MPP7: variants seen among roughly 807,000 people sequenced by gnomAD.
MPP7 encodes MAGUK p55 scaffold protein 7, also known as MAGUK p55 subfamily member 7.
In MPP7, 60 loss-of-function variants were observed where a neutral mutation model predicts 76.5. The ratio of observed to expected loss-of-function variants is 0.78; its 90% CI spans 0.64 to 0.97. The LOEUF is 0.97. MPP7 is among the 50% of genes least tolerant of loss of function. The probability of loss-of-function intolerance (pLI) is 0.00; values close to 1 mark genes in which losing one functional copy is unlikely to be tolerated. For missense variants in MPP7, 641 were observed against 694.0 expected (o/e 0.92, Z 0.86); for synonymous variants, 237 against 244.5 (o/e 0.97, Z 0.29).
In MPP7 at chr10:28,297,321, G is replaced by C. The variant is rs575196490; in HGVS notation, c.-132+5540C>G. 2.6e-5 allele frequency among the ~76,000 whole-genome samples: 4 copies of C among 152,284 alleles called. No homozygotes were observed. In the South Asian group the frequency reaches 6.2e-4, roughly 24 times the overall value. ...AGTCATAATCTTTTTGCTGGTGGAGGATTTTGCCTTGATGTTGATGGCTGC... is the reference window on the plus strand; with the variant it reads ...AGTCATAATCTTTTTGCTGGTGGAGCATTTTGCCTTGATGTTGATGGCTGC... On this transcript the variant is annotated intron_variant, in intron 1 of 16. Transcript: ENST00000683449.
chr10:28,245,265 C>T (rs1457313773), intron 1 of MPP7, among the ~76,000 whole-genome samples: 1 of 152,164 alleles, frequency 6.6e-6, no homozygotes, highest in African/African-American at 2.4e-5. Flanking sequence ...CACTGGCATT[C>T]CCTTAAGTCC....
intron 1 of MPP7, among the ~76,000 whole-genome samples, chr10:28,243,813 T>C (rs1178620089): frequency 6.6e-6 from 1 of 152,192 alleles, no homozygotes; most frequent in African/African-American, 2.4e-5. Context: ...TTAAAGAAAT[T>C]TGCAATTCAC....
At chr10:28,290,264 G>A (rs1051102000) in intron 1 of MPP7, among the ~76,000 whole-genome samples, 12 of 148,920 alleles carry the variant, frequency 8.1e-5, no homozygotes, top group Non-Finnish European at 1.5e-4. Flanking sequence ...CCCCACTCAC[G>A]AATTACAGTC....
intron 1 of MPP7, among the ~76,000 whole-genome samples, chr10:28,286,294 C>T (rs796308431): frequency 2.6e-5 from 4 of 151,542 alleles, no homozygotes; most frequent in African/African-American, 7.3e-5. Flanking sequence ...TGCAGTGAGC[C>T]GAGATCACGC....
intron 2 of MPP7, among the ~76,000 whole-genome samples, chr10:28,320,212 G>A (rs786394): frequency 0.25 from 37,540 of 151,988 alleles, 5,160 homozygotes; most frequent in East Asian, 0.49. Context: ...CCCTGGAGGA[G>A]AGCATTCCTT....
rs373888398 is a variant in MPP7, at chr10:28,118,836, T to C, written c.952+815A>G. On this transcript the variant is annotated intron_variant, in intron 11 of 16. Coordinates refer to ENST00000683449, the MANE Select transcript of MPP7 (RefSeq NM_001318170.2). The stretch of plus-strand genomic sequence containing the variant: ...CAGAAATCACAGGAGATGTGAAAAA[T>C]GCAACAATACTAAAAACAGATGTTG... 47 of 985,264 alleles carry C rather than the reference T, an allele frequency of 4.8e-5. No homozygotes were observed. In the East Asian group the frequency reaches 9.1e-4, roughly 19 times the overall value. 61.0% of individuals were successfully genotyped at this position (985,264 alleles called of 1,614,324 possible).
intron 11 of MPP7, among the ~76,000 whole-genome samples, chr10:28,103,748 T>C (rs1259276640): frequency 2.8e-5 from 2 of 70,690 alleles, no homozygotes; most frequent in African/African-American, 3.2e-4. Context: ...TCAAAAATAT[T>C]GTTATAAAAT....
In MPP7 at chr10:28,149,997, C is replaced by T. The variant is rs144563385; in HGVS notation, c.219G>A (p.Ala73=). ...TCACACTTACATCATCGGCCAAGGC[C>T]GCCGCACCATGGAGAATGGGCACCG... ...QSPVPILHGA[A]ALADDLAEEL... Residue 73 remains alanine (A), a synonymous_variant, in exon 4 of 17, where the codon GCG becomes GCA. Coordinates refer to ENST00000683449, the MANE Select transcript of MPP7 (RefSeq NM_001318170.2). 39 of 1,613,384 alleles carry T rather than the reference C, an allele frequency of 2.4e-5. No homozygotes were observed. Among genetic ancestry groups the T allele is most frequent in the Non-Finnish European group, 3.2e-5 (38 of 1,179,836 alleles).
chr10:28,162,781 C>G (rs1242779350), intron 3 of MPP7, among the ~76,000 whole-genome samples: 1 of 152,156 alleles, frequency 6.6e-6, no homozygotes, highest in African/African-American at 2.4e-5. Context: ...GGAGGTCCCT[C>G]CTGAGATCAG....
intron 2 of MPP7, among the ~76,000 whole-genome samples, chr10:28,219,521 C>T (rs900422807): frequency 6.6e-6 from 1 of 152,006 alleles, no homozygotes; most frequent in African/African-American, 2.4e-5. Context: ...ATTATTAGTA[C>T]AAGTCTGGGG....
intron 4 of MPP7, among the ~76,000 whole-genome samples, chr10:28,148,590 C>T (rs1835782638): frequency 1.3e-5 from 2 of 152,094 alleles, no homozygotes; most frequent in Admixed American, 1.3e-4. Context: ...ATTATACAGT[C>T]ATTAATTACC....
intron 1 of MPP7, among the ~76,000 whole-genome samples, chr10:28,283,769 C>A (rs2133106653): frequency 6.6e-6 from 1 of 152,284 alleles, no homozygotes; most frequent in South Asian, 2.1e-4. Context: ...CCCACCTCGG[C>A]CTCCCAAAAT....
At chr10:28,299,766 C>CTTTTTTT (rs59047415) in intron 1 of MPP7, among the ~76,000 whole-genome samples, 7,499 of 131,960 alleles carry the variant, frequency 0.057, 478 homozygotes, top group East Asian at 0.32. Flanking sequence ...AAATTCAAGA[C>CTTTTTTT]TTTTTTTTTT....
At chr10:28,238,444 C>T (rs1429030835) in intron 2 of MPP7, 124 bp downstream of exon 2, 5 of 987,456 alleles carry the variant, frequency 5.1e-6, no homozygotes, top group Non-Finnish European at 7.8e-6. Context: ...ATCTTATGTC[C>T]CTAGTGTTGG....
At chr10:28,324,446 C>G (rs145800365) in intron 2 of MPP7, among the ~76,000 whole-genome samples, 19 of 152,212 alleles carry the variant, frequency 1.2e-4, no homozygotes, top group African/African-American at 4.6e-4. Context: ...TATTATGTAC[C>G]ACGAATGGTT....
At chr10:28,287,158 A>G (rs1282681312) in intron 1 of MPP7, among the ~76,000 whole-genome samples, 3 of 152,234 alleles carry the variant, frequency 2.0e-5, no homozygotes, top group Non-Finnish European at 4.4e-5. Flanking sequence ...AAAAAAAATA[A>G]TAACTGACCT....
At chr10:28,259,060 C>T (rs1020019368) in intron 1 of MPP7, among the ~76,000 whole-genome samples, 1 of 152,118 alleles carries the variant, frequency 6.6e-6, no homozygotes, top group Non-Finnish European at 1.5e-5. Flanking sequence ...AGACAGCCCA[C>T]CACCATTCAT....
chr10:28,235,469 C>A (rs1390585283), intron 2 of MPP7, among the ~76,000 whole-genome samples: 1 of 151,848 alleles, frequency 6.6e-6, no homozygotes, highest in Non-Finnish European at 1.5e-5. Flanking sequence ...AAAGAGAACT[C>A]AGAAAATATA....
At chr10:28,193,215 G>GT (rs34271924) in intron 3 of MPP7, among the ~76,000 whole-genome samples, 1,563 of 136,532 alleles carry the variant, frequency 0.011, 11 homozygotes, top group Non-Finnish European at 0.016. Flanking sequence ...TTGGTTTTTT[G>GT]TTTTTTTTTT....
Sources: gnomAD v4.1 joint callset for allele counts (sites outside exome capture counted in the v4.1 genomes callset) on GRCh38, gnomAD v4.1.1 for gene constraint, MANE v1.5 for transcripts, NCBI Gene and HGNC (gene_info 2026-07-23, HGNC 2026-07-21) for gene names.